Variants in C12orf42 observed in about 807,000 individuals in gnomAD.
C12orf42 encodes uncharacterized protein C12orf42.
A neutral mutation model predicts 21.6 loss-of-function variants in C12orf42; 25 were observed. The ratio of observed to expected loss-of-function variants is 1.16; its 90% confidence interval spans 0.84 to 1.62. The LOEUF is 1.62. Among genes scored for constraint, C12orf42 ranks in the 40% most tolerant of loss-of-function variants. C12orf42 has a pLI of 0.00. For missense variants in C12orf42, 483 were observed against 459.3 expected (o/e 1.05, Z -0.47); for synonymous variants, 174 against 175.0 (o/e 0.99, Z 0.05).
intron 2 of C12orf42, among the ~76,000 whole-genome samples, chr12:103,442,610 T>A (rs1336955656): frequency 6.6e-6 from 1 of 152,172 alleles, no homozygotes; most frequent in Non-Finnish European, 1.5e-5. Context: ...ATTCCCATCC[T>A]GATATACACT....
At chr12:103,474,506 G>A (rs1483475523) in intron 2 of C12orf42, among the ~76,000 whole-genome samples, 2 of 151,488 alleles carry the variant, frequency 1.3e-5, no homozygotes, top group Non-Finnish European at 2.9e-5. Flanking sequence ...GAATGATCAA[G>A]AATAATTCAT....
chr12:103,342,193 G>C (rs1160751469), intron 4 of C12orf42, among the ~76,000 whole-genome samples: 3 of 152,132 alleles, frequency 2.0e-5, no homozygotes, highest in African/African-American at 4.8e-5. Flanking sequence ...CTCAAAACTT[G>C]AGTTTATGGG....
intron 4 of C12orf42, among the ~76,000 whole-genome samples, chr12:103,308,084 T>C (rs1212678602): frequency 2.0e-5 from 3 of 152,202 alleles, no homozygotes; most frequent in East Asian, 3.8e-4. Flanking sequence ...AGGTTTACTC[T>C]GCCTCAGTTT....
At chr12:103,094,035 T>G in the C12orf42 span, among the ~76,000 whole-genome samples, 4 of 152,144 alleles carry the variant, frequency 2.6e-5, no homozygotes, top group Non-Finnish European at 4.4e-5. Flanking sequence ...ATGAGAGGGA[T>G]CTGCTCAAGA....
chr12:103,475,068 T>A (rs1953939838), intron 2 of C12orf42, among the ~76,000 whole-genome samples: 1 of 152,214 alleles, frequency 6.6e-6, no homozygotes, highest in Non-Finnish European at 1.5e-5. Flanking sequence ...CACCCTGGAA[T>A]GGCAAATGCT....
chr12:103,347,763 A>G (rs561607500), intron 4 of C12orf42, among the ~76,000 whole-genome samples: 87 of 152,278 alleles, frequency 5.7e-4, no homozygotes, highest in African/African-American at 1.7e-3. Flanking sequence ...TGCGAGATTA[A>G]CAAAGGAGCC....
chr12:103,262,845 C>T (rs1195545689), intron 10 of C12orf42, among the ~76,000 whole-genome samples: 2 of 152,160 alleles, frequency 1.3e-5, no homozygotes, highest in Non-Finnish European at 2.9e-5. Context: ...TATGAAGACA[C>T]ATGCACACGT....
At chr12:103,479,076 C>T (rs1592983153) in intron 1 of C12orf42, among the ~76,000 whole-genome samples, 1 of 151,932 alleles carries the variant, frequency 6.6e-6, no homozygotes, top group Admixed American at 6.6e-5. Context: ...AAAACTTAGG[C>T]CCTCATTTGC....
chr12:103,256,655 A>G (rs754114825), intron 10 of C12orf42, among the ~76,000 whole-genome samples: 21 of 152,190 alleles, frequency 1.4e-4, no homozygotes, highest in Non-Finnish European at 2.8e-4. Context: ...AAGGGGTTGG[A>G]GCAGCTTAAC....
At chr12:103,086,015 C>T in the C12orf42 span, among the ~76,000 whole-genome samples, 1 of 152,166 alleles carries the variant, frequency 6.6e-6, no homozygotes, top group African/African-American at 2.4e-5. Context: ...CACGGAGCTC[C>T]AATACCTCAG....
chr12:103,191,743 TAAA>T, the C12orf42 span, among the ~76,000 whole-genome samples: 721 of 122,048 alleles, frequency 5.9e-3, 4 homozygotes, highest in African/African-American at 0.02. Flanking sequence ...ACTCTGTGTC[TAAA>T]AAAAAAAAAA....
chr12:103,235,291 T>A (rs2033434930), downstream of C12orf42, among the ~76,000 whole-genome samples: 1 of 152,178 alleles, frequency 6.6e-6, no homozygotes, highest in Non-Finnish European at 1.5e-5. Context: ...GATTTGTCCC[T>A]ATTTTCTGTT....
chr12:103,143,964 A>C, the C12orf42 span, among the ~76,000 whole-genome samples: 2 of 152,316 alleles, frequency 1.3e-5, no homozygotes, highest in East Asian at 3.9e-4. Flanking sequence ...TATTATTATC[A>C]CAGGGTTATT....
At chr12:103,101,897 G>A in the C12orf42 span, among the ~76,000 whole-genome samples, 3 of 152,234 alleles carry the variant, frequency 2.0e-5, no homozygotes, top group African/African-American at 7.2e-5. Flanking sequence ...ACCTATCTCT[G>A]CTGCATGTAG....
At chr12:103,085,726 G>T in the C12orf42 span, among the ~76,000 whole-genome samples, 2 of 152,012 alleles carry the variant, frequency 1.3e-5, no homozygotes, top group African/African-American at 4.8e-5. Context: ...AAAGTAGTAG[G>T]CCTCAGCTTT....
At chr12:103,527,287 T>C in the C12orf42 span, among the ~76,000 whole-genome samples, 1 of 152,184 alleles carries the variant, frequency 6.6e-6, no homozygotes, top group Non-Finnish European at 1.5e-5. Context: ...GGGGTTACTC[T>C]GAGGGAAAAA....
the C12orf42 span, among the ~76,000 whole-genome samples, chr12:103,057,580 T>C: frequency 3.9e-5 from 6 of 152,214 alleles, no homozygotes; most frequent in African/African-American, 1.4e-4. Flanking sequence ...ATTTGCCACA[T>C]TTTCTTTATC....
downstream of C12orf42, among the ~76,000 whole-genome samples, chr12:103,301,002 TG>T (rs2037611393): frequency 1.3e-5 from 2 of 152,170 alleles, no homozygotes; most frequent in African/African-American, 4.8e-5. Flanking sequence ...TCTTAAAGCA[TG>T]CTAATAATAA....
chr12:103,307,628 T>G (rs2038501861), intron 4 of C12orf42, among the ~76,000 whole-genome samples: 1 of 152,130 alleles, frequency 6.6e-6, no homozygotes. Flanking sequence ...AAGATATATC[T>G]AAGAAGCAAA....
Sources: allele counts gnomAD v4.1 joint callset (sites outside exome capture counted in the v4.1 genomes callset), GRCh38; gene constraint gnomAD v4.1.1; transcripts MANE v1.5; gene names NCBI Gene and HGNC (gene_info 2026-07-23, HGNC 2026-07-21).